The following POLD3 variants were observed in gnomAD, a reference collection of about 807,000 sequenced individuals.
The protein encoded by POLD3 is DNA polymerase delta subunit 3.
Under a neutral mutation model 58.2 loss-of-function variants are expected in POLD3, and 19 were observed. The ratio of observed to expected loss-of-function variants is 0.33; its 90% CI spans 0.23 to 0.48. The LOEUF (loss-of-function observed/expected upper bound fraction) is 0.48, where lower values mean the gene tolerates loss of function less well. POLD3 is among the 20% of genes least tolerant of loss of function. POLD3 has a pLI of 0.99. For synonymous variants in POLD3, 172 were observed against 193.5 expected, an observed-to-expected ratio of 0.89 and a Z score of 0.92; for missense variants, 504 against 545.5, an observed-to-expected ratio of 0.92 and a Z score of 0.76.
chr11:74,603,719 A>T (rs2031577989), intron 2 of POLD3, among the ~76,000 whole-genome samples: 1 of 152,186 alleles, frequency 6.6e-6, no homozygotes, highest in African/African-American at 2.4e-5. Context: ...GCATGGTTTT[A>T]TGGAAGCTGA....
intron 7 of POLD3, among the ~76,000 whole-genome samples, chr11:74,622,337 G>T (rs2032289997): frequency 6.6e-6 from 1 of 151,978 alleles, no homozygotes; most frequent in South Asian, 2.1e-4. Context: ...ACATACGTGT[G>T]CATGTAAGAC....
intron 11 of POLD3, among the ~76,000 whole-genome samples, chr11:74,637,618 A>G (rs949100674): frequency 2.6e-4 from 39 of 152,040 alleles, no homozygotes; most frequent in African/African-American, 8.9e-4. Flanking sequence ...CCCCAAAAGA[A>G]AAAAGTCAAA....
chr11:74,620,421 G>A (rs2032216905), intron 7 of POLD3, among the ~76,000 whole-genome samples: 1 of 152,160 alleles, frequency 6.6e-6, no homozygotes. Flanking sequence ...ACGCAGTATA[G>A]TGTTGAGGTT....
chr11:74,638,141 C>T (rs1021290648), intron 11 of POLD3, among the ~76,000 whole-genome samples: 3 of 151,962 alleles, frequency 2.0e-5, no homozygotes, highest in African/African-American at 7.3e-5. Context: ...GGTTTGTTTG[C>T]CTTTTTTTAA....
intron 9 of POLD3, among the ~76,000 whole-genome samples, chr11:74,633,695 A>G (rs1246907289): frequency 1.3e-5 from 2 of 152,158 alleles, no homozygotes; most frequent in African/African-American, 4.8e-5. Flanking sequence ...CAATTCTGCA[A>G]TTGTTGAGAA....
chr11:74,640,567 C>A lies in POLD3; in HGVS notation c.1202C>A (p.Thr401Asn). The change falls in exon 12 of 12, where the codon ACT becomes AAT. Residue 401 changes from threonine to asparagine, a missense_variant. This residue lies in a region of POLD3 where 385 missense variants were observed against 370.5 expected (regional missense o/e 1.04). Coordinates refer to ENST00000263681, the MANE Select transcript of POLD3 (RefSeq NM_006591.3). ...TYLDGEGCIV[T>N]EKVYESESCT... is the part of the protein sequence containing the mutation. ...CATTTTTTTCTCATCCTACCAGTGA[C>A]TGAAAAAGTCTACGAGAGTGAATCC... 6.6e-7 allele frequency: 1 copy of A among 1,518,718 alleles called. No homozygotes were observed. The highest frequency in any genetic ancestry group is 8.8e-7 in the Non-Finnish European group (1 of 1,135,252). The allele number at this position is 1,518,718 out of a possible 1,614,324, so 94.1% of individuals were successfully genotyped here. A position where few individuals can be genotyped will look rare whatever the true frequency, so the allele number is the denominator to read the frequency against.
At chr11:74,604,845 A>T in intron 3 of POLD3, 51 bp downstream of exon 3, 1 of 998,458 alleles carries the variant, frequency 1.0e-6, no homozygotes, top group South Asian at 1.3e-5. Flanking sequence ...TGTTATGAAG[A>T]GTGTTATAAC....
intron 9 of POLD3, among the ~76,000 whole-genome samples, chr11:74,631,603 C>A (rs1282020567): frequency 1.3e-5 from 2 of 151,286 alleles, no homozygotes; most frequent in Non-Finnish European, 2.9e-5. Context: ...TCTGCCTCAG[C>A]CTCCTGAGTA....
rs2032908895 is a variant in POLD3 at position 74,641,387 on chromosome 11, G to C, written c.*621G>C. 1 of 985,254 alleles carries C rather than the reference G, an allele frequency of 1.0e-6. No homozygotes were observed. The highest frequency in any genetic ancestry group is 1.7e-5 in the African/African-American group (1 of 57,208). The allele number at this position is 985,254 out of a possible 1,614,324, so 61.0% of individuals were successfully genotyped here. ...CAGACCAGGACGTGGCTTGTGTTCT[G>C]TTCCTTTCACAAAAGCTCTCTGGGA... On this transcript the variant is annotated 3_prime_UTR_variant, in exon 12 of 12. Coordinates refer to ENST00000263681, the MANE Select transcript of POLD3 (RefSeq NM_006591.3).
chr11:74,599,382 T>TC (rs2031399693), intron 2 of POLD3, among the ~76,000 whole-genome samples: 1 of 151,342 alleles, frequency 6.6e-6, no homozygotes, highest in Non-Finnish European at 1.5e-5. Context: ...TTTTTTTTTT[T>TC]TTTGACGGAG....
At chr11:74,626,700 C>CT (rs1204091814) in intron 8 of POLD3, among the ~76,000 whole-genome samples, 1 of 152,110 alleles carries the variant, frequency 6.6e-6, no homozygotes, top group Non-Finnish European at 1.5e-5. Flanking sequence ...CTGGTAATGT[C>CT]TTTATCAAGT....
downstream of POLD3, among the ~76,000 whole-genome samples, chr11:74,645,928 G>A (rs1402916447): frequency 6.6e-6 from 1 of 151,704 alleles, no homozygotes; most frequent in East Asian, 1.9e-4. Context: ...ATACCGCCCA[G>A]TGATGATTGA....
At chr11:74,608,078 C>T (rs1220679207) in intron 3 of POLD3, among the ~76,000 whole-genome samples, 2 of 152,128 alleles carry the variant, frequency 1.3e-5, no homozygotes, top group African/African-American at 4.8e-5. Context: ...GAACTGTCAA[C>T]CTGATCTATG....
intron 4 of POLD3, among the ~76,000 whole-genome samples, chr11:74,659,759 A>C (rs1464079359): frequency 6.6e-6 from 1 of 152,160 alleles, no homozygotes; most frequent in African/African-American, 2.4e-5. Context: ...ATCTGAGACT[A>C]CCTCAGCCTG....
rs1591292127 is a variant in POLD3 at position 74,604,600 on chromosome 11, G to A, written c.117-92G>A. On this transcript the variant is annotated intron_variant, in intron 2 of 11. Coordinates refer to ENST00000263681, the MANE Select transcript of POLD3 (RefSeq NM_006591.3). ...GTTCAGAAAATTTGATGGACTACCA[G>A]ATTTCATTTATCTTTTAAGTCATTA... The A allele has an allele frequency of 2.4e-5, 18 of 739,054 alleles. No individual in the cohort carries two copies. In the East Asian group the frequency reaches 4.6e-4, roughly 19 times the overall value. 45.8% of individuals were successfully genotyped at this position (739,054 alleles called of 1,614,324 possible). A position where few individuals can be genotyped will look rare whatever the true frequency, so the allele number is the denominator to read the frequency against.
At chr11:74,598,523 G>C (rs897756867) in intron 2 of POLD3, among the ~76,000 whole-genome samples, 1 of 152,140 alleles carries the variant, frequency 6.6e-6, no homozygotes, top group Admixed American at 6.6e-5. Flanking sequence ...TTGGAATTTG[G>C]ATAGGGCACA....
At chr11:74,636,458 T>C (rs919459652) in intron 11 of POLD3, among the ~76,000 whole-genome samples, 183 bp downstream of exon 11, 2 of 152,232 alleles carry the variant, frequency 1.3e-5, no homozygotes, top group African/African-American at 2.4e-5. Context: ...TCAGAACACC[T>C]AGGTTCTTGT....
intron 4 of POLD3, among the ~76,000 whole-genome samples, chr11:74,656,340 C>A (rs7129804): frequency 0.27 from 40,779 of 151,842 alleles, 5,901 homozygotes; most frequent in South Asian, 0.41. Context: ...TGTAATCCCG[C>A]CACTTTGGGA....
intron 9 of POLD3, among the ~76,000 whole-genome samples, chr11:74,629,820 A>G (rs1369491304): frequency 2.0e-5 from 3 of 152,178 alleles, no homozygotes; most frequent in Admixed American, 6.5e-5. Context: ...CATAAGGGCA[A>G]GAGTTTTACC....
Sources: gnomAD v4.1 joint callset for allele counts (sites outside exome capture counted in the v4.1 genomes callset) on GRCh38, gnomAD v4.1.1 for gene constraint, gnomAD v4.1.1 regional missense constraint, MANE v1.5 for transcripts, NCBI Gene and HGNC (gene_info 2026-07-23, HGNC 2026-07-21) for gene names.